Variants in UNC13C observed in about 807,000 individuals in gnomAD.
UNC13C encodes the protein unc-13 homolog C, also known as protein unc-13 homolog C.
In UNC13C, 174 loss-of-function variants were observed where a neutral mutation model predicts 245.4. The observed-to-expected ratio is 0.71, with a 90% confidence interval of 0.63 to 0.80. UNC13C has a LOEUF of 0.80. Among genes scored for constraint, UNC13C ranks in the 30% least tolerant of loss-of-function variants. The pLI, the probability that UNC13C is intolerant of heterozygous loss-of-function variation, is 0.00. For synonymous variants in UNC13C, 992 were observed against 895.1 expected (o/e 1.11, Z -1.93); for missense variants, 2,829 against 2,602.9 (o/e 1.09, Z -1.89).
At chr15:54,062,972 T>C (rs149499414) in intron 2 of UNC13C, among the ~76,000 whole-genome samples, 29 of 152,226 alleles carry the variant, frequency 1.9e-4, no homozygotes, top group African/African-American at 6.7e-4. Context: ...ATTTAGGAAG[T>C]TGGTGAGAGG....
chr15:54,086,733 C>CTTTCTTTTTTTTTTT (rs1899260131), intron 2 of UNC13C, among the ~76,000 whole-genome samples: 1 of 56,680 alleles, frequency 1.8e-5, no homozygotes, highest in Non-Finnish European at 4.8e-5. Context: ...TGCTTATTTT[C>CTTTCTTTTTTTTTTT]TTTCTTTTTT....
intron 10 of UNC13C, among the ~76,000 whole-genome samples, chr15:54,280,862 A>T (rs1435380469): frequency 2.0e-5 from 3 of 151,450 alleles, no homozygotes; most frequent in Non-Finnish European, 2.9e-5. Context: ...CAATGGCGCA[A>T]TCTCTGCTCA....
intron 17 of UNC13C, among the ~76,000 whole-genome samples, chr15:54,339,216 AACCACAATGAGATAC>A (rs1157080662): frequency 6.6e-6 from 1 of 152,198 alleles, no homozygotes; most frequent in Non-Finnish European, 1.5e-5. Flanking sequence ...TTTAAATCAA[AACCACAATGAGATAC>A]AATCTCACAG....
intron 25 of UNC13C, among the ~76,000 whole-genome samples, chr15:54,529,387 A>C (rs1895633651): frequency 6.6e-6 from 1 of 152,228 alleles, no homozygotes; most frequent in Non-Finnish European, 1.5e-5. Flanking sequence ...TGGAAAACCA[A>C]ATATGGAAAA....
intron 4 of UNC13C, 59 bp downstream of exon 4, chr15:54,143,743 C>A: frequency 7.5e-7 from 1 of 1,338,180 alleles, no homozygotes. Flanking sequence ...TGGCTGTGTT[C>A]TCAACATATA....
At chr15:53,886,931 A>C in the UNC13C span, among the ~76,000 whole-genome samples, 22 of 152,174 alleles carry the variant, frequency 1.4e-4, no homozygotes, top group Non-Finnish European at 2.9e-4. Flanking sequence ...GAGTACTCCT[A>C]AAACATTTCA....
At chr15:53,857,547 A>G in the UNC13C span, among the ~76,000 whole-genome samples, 1 of 152,276 alleles carries the variant, frequency 6.6e-6, no homozygotes, top group East Asian at 1.9e-4. Flanking sequence ...TTGTCAAACT[A>G]TAAGGAACAG....
chr15:54,307,442 G>A (rs12915790), intron 13 of UNC13C, among the ~76,000 whole-genome samples: 11,714 of 151,958 alleles, frequency 0.077, 517 homozygotes, highest in Admixed American at 0.12. Flanking sequence ...ACAACCTTGA[G>A]TCATAGGTTT....
intron 1 of UNC13C, among the ~76,000 whole-genome samples, chr15:53,983,656 G>A (rs2616911): frequency 0.24 from 36,012 of 151,416 alleles, 5,167 homozygotes; most frequent in Non-Finnish European, 0.31. Context: ...ATTGCCTACC[G>A]TAATTGCTTT....
chr15:54,358,474 T>C (rs2039148918), intron 17 of UNC13C, among the ~76,000 whole-genome samples: 1 of 152,122 alleles, frequency 6.6e-6, no homozygotes, highest in Non-Finnish European at 1.5e-5. Flanking sequence ...ATTCCAATTA[T>C]TTGCATCTTC....
At chr15:54,204,178 C>T (rs2034632405) in intron 4 of UNC13C, among the ~76,000 whole-genome samples, 2 of 151,388 alleles carry the variant, frequency 1.3e-5, no homozygotes, top group African/African-American at 2.4e-5. Flanking sequence ...AAATACTACA[C>T]ATTGGGTACA....
At chr15:53,892,552 T>G in the UNC13C span, among the ~76,000 whole-genome samples, 8 of 152,174 alleles carry the variant, frequency 5.3e-5, no homozygotes, top group Non-Finnish European at 8.8e-5. Context: ...AGTCCCATGT[T>G]TCTTGGAGGC....
chr15:54,597,723 A>G (rs1019393105), intron 30 of UNC13C, among the ~76,000 whole-genome samples: 4 of 152,242 alleles, frequency 2.6e-5, no homozygotes, highest in African/African-American at 9.6e-5. Flanking sequence ...AACACATAGT[A>G]TCAGAGATCA....
chr15:54,113,076 G>A (rs2029933401), intron 2 of UNC13C, among the ~76,000 whole-genome samples: 1 of 137,572 alleles, frequency 7.3e-6, no homozygotes, highest in South Asian at 2.5e-4. Flanking sequence ...TCTTTATCAT[G>A]TTAGGCGAGA....
At chr15:54,400,415 A>G (rs920363870) in intron 18 of UNC13C, among the ~76,000 whole-genome samples, 2 of 152,004 alleles carry the variant, frequency 1.3e-5, no homozygotes, top group Non-Finnish European at 2.9e-5. Context: ...AGCTATGTTC[A>G]TTATCCTTTA....
chr15:54,277,208 C>T (rs2036856035), intron 10 of UNC13C, among the ~76,000 whole-genome samples: 1 of 152,050 alleles, frequency 6.6e-6, no homozygotes, highest in South Asian at 2.1e-4. Context: ...TTAAGAATGC[C>T]TTTAGTCTTC....
At chr15:54,436,894 C>T (rs1018835688) in intron 19 of UNC13C, among the ~76,000 whole-genome samples, 2 of 151,784 alleles carry the variant, frequency 1.3e-5, no homozygotes, top group Non-Finnish European at 2.9e-5. Flanking sequence ...TTTTGCTATG[C>T]AGTTATCGTA....
At chr15:53,853,534 G>A in the UNC13C span, among the ~76,000 whole-genome samples, 1 of 152,228 alleles carries the variant, frequency 6.6e-6, no homozygotes, top group Non-Finnish European at 1.5e-5. Flanking sequence ...TGGGTTAAAT[G>A]GTATTTCGGC....
rs369648674 is a variant in UNC13C, at chr15:54,013,085, G to A, written c.182G>A (p.Ser61Asn). The A allele has an allele frequency of 1.2e-5, 20 of 1,613,866 alleles. No homozygotes were observed. The highest frequency in any genetic ancestry group is 1.7e-5 in the Non-Finnish European group (20 of 1,179,842). ...CCCAAATTTTCTTACACTTTTAAAA[G>A]CACTGTAAAGAAGATTGCAAAGTGT... ...KSPKFSYTFKSTVKKIAKCSS... is the reference protein window; with the variant it reads ...KSPKFSYTFKNTVKKIAKCSS... Residue 61 changes from serine (S) to asparagine (N), a missense_variant, in exon 2 of 33, where the codon AGC becomes AAC. Transcript: ENST00000260323.
Sources: gnomAD v4.1 joint callset for allele counts (sites outside exome capture counted in the v4.1 genomes callset) on GRCh38, gnomAD v4.1.1 for gene constraint, MANE v1.5 for transcripts, NCBI Gene and HGNC (gene_info 2026-07-23, HGNC 2026-07-21) for gene names.